Variants in CNTN5 observed in about 807,000 individuals in gnomAD.
CNTN5 encodes contactin-5.
In CNTN5, 77 loss-of-function variants were observed where a neutral mutation model predicts 129.1. The ratio of observed to expected loss-of-function variants is 0.60; its 90% CI spans 0.50 to 0.72. The LOEUF (loss-of-function observed/expected upper bound fraction) is 0.72. Ranked by LOEUF, CNTN5 falls within the 30% of genes least tolerant of loss-of-function variation. The pLI, the probability that CNTN5 is intolerant of heterozygous loss-of-function variation, is 0.00. For missense variants in CNTN5, 1,478 were observed against 1,328.8 expected, an observed-to-expected ratio of 1.11 and a Z score of -1.75; for synonymous variants, 509 against 465.6, an observed-to-expected ratio of 1.09 and a Z score of -1.20.
chr11:99,128,428 C>A (rs117323078), intron 1 of CNTN5, among the ~76,000 whole-genome samples: 7,255 of 152,104 alleles, frequency 0.048, 194 homozygotes, highest in Middle Eastern at 0.065. Context: ...TCTCACTGGG[C>A]AGGGCCTCAC....
chr11:100,257,418 C>G (rs527753243), intron 17 of CNTN5, among the ~76,000 whole-genome samples: 2 of 152,198 alleles, frequency 1.3e-5, no homozygotes, highest in Non-Finnish European at 2.9e-5. Context: ...GATCTCCCAG[C>G]GCAGCGCTCA....
chr11:99,986,898 A>T (rs1391830173), intron 8 of CNTN5, among the ~76,000 whole-genome samples: 1 of 152,228 alleles, frequency 6.6e-6, no homozygotes, highest in Non-Finnish European at 1.5e-5. Flanking sequence ...AAAAAGAGAG[A>T]TGTAATAGGA....
intron 1 of CNTN5, among the ~76,000 whole-genome samples, chr11:99,135,091 T>G (rs1262908595): frequency 2.0e-5 from 3 of 152,192 alleles, no homozygotes; most frequent in Non-Finnish European, 4.4e-5. Context: ...CTTAAAAACC[T>G]CTTGTATGTC....
intron 3 of CNTN5, among the ~76,000 whole-genome samples, chr11:99,650,334 G>A (rs1451969703): frequency 2.6e-5 from 4 of 151,758 alleles, no homozygotes; most frequent in Admixed American, 6.6e-5. Flanking sequence ...GTTTTGGTAG[G>A]CATGAACTCT....
At chr11:100,173,287 G>T (rs562556574) in intron 13 of CNTN5, among the ~76,000 whole-genome samples, 2 of 152,098 alleles carry the variant, frequency 1.3e-5, no homozygotes, top group Non-Finnish European at 1.5e-5. Context: ...CGTAGTGGGG[G>T]TTGCTAGGCT....
intron 9 of CNTN5, among the ~76,000 whole-genome samples, chr11:100,009,904 G>T (rs1457135389): frequency 6.6e-6 from 1 of 152,192 alleles, no homozygotes; most frequent in East Asian, 1.9e-4. Context: ...TTTTGGCAGT[G>T]ACATTATTAC....
intron 1 of CNTN5, among the ~76,000 whole-genome samples, chr11:99,187,644 A>G (rs543091008): frequency 6.6e-6 from 1 of 151,972 alleles, no homozygotes; most frequent in East Asian, 1.9e-4. Context: ...GAACTTATCC[A>G]ATATTACTAC....
chr11:99,217,691 A>G (rs1381289445), intron 1 of CNTN5, among the ~76,000 whole-genome samples: 1 of 152,054 alleles, frequency 6.6e-6, no homozygotes, highest in East Asian at 1.9e-4. Flanking sequence ...ATTTCAGGAG[A>G]AAATAGAAGA....
At chr11:99,938,088 CAAAAT>C (rs1468278088) in intron 7 of CNTN5, among the ~76,000 whole-genome samples, 2 of 152,028 alleles carry the variant, frequency 1.3e-5, no homozygotes, top group African/African-American at 2.4e-5. Context: ...ATGGATCTAA[CAAAAT>C]AAATCAAAAG....
At chr11:99,791,256 C>T (rs1414742445) in intron 3 of CNTN5, among the ~76,000 whole-genome samples, 1 of 151,998 alleles carries the variant, frequency 6.6e-6, no homozygotes, top group African/African-American at 2.4e-5. Context: ...AGGTTATCTT[C>T]CAGGGTTTTA....
At chr11:99,798,864 A>T (rs968622247) in intron 3 of CNTN5, among the ~76,000 whole-genome samples, 2 of 152,200 alleles carry the variant, frequency 1.3e-5, no homozygotes, top group Non-Finnish European at 2.9e-5. Flanking sequence ...CAGTATGGCC[A>T]TTTTAATGAT....
intron 21 of CNTN5, among the ~76,000 whole-genome samples, chr11:100,337,821 G>T (rs973413202): frequency 1.3e-5 from 2 of 152,182 alleles, no homozygotes; most frequent in African/African-American, 4.8e-5. Flanking sequence ...GCAATTGACA[G>T]GGATACAATC....
At chr11:99,822,013 C>G (rs1015355554) in intron 4 of CNTN5, among the ~76,000 whole-genome samples, 5 of 152,114 alleles carry the variant, frequency 3.3e-5, no homozygotes, top group African/African-American at 1.2e-4. Flanking sequence ...ACTTTGAGTT[C>G]TTTTTCTCTG....
At chr11:99,199,509 G>C (rs755022292) in intron 1 of CNTN5, among the ~76,000 whole-genome samples, 4 of 152,150 alleles carry the variant, frequency 2.6e-5, no homozygotes, top group Non-Finnish European at 5.9e-5. Context: ...CCGTCCTGTG[G>C]GTTAGCTGGA....
intron 9 of CNTN5, among the ~76,000 whole-genome samples, chr11:100,016,493 T>C (rs1166048748): frequency 1.3e-5 from 2 of 152,088 alleles, no homozygotes; most frequent in African/African-American, 4.8e-5. Context: ...AGCTCATTCT[T>C]CGTTGCCTTA....
At chr11:99,528,601 G>A (rs1947578676) in intron 2 of CNTN5, among the ~76,000 whole-genome samples, 1 of 152,162 alleles carries the variant, frequency 6.6e-6, no homozygotes, top group Non-Finnish European at 1.5e-5. Context: ...GTACAAATGG[G>A]ACATTTCTCC....
chr11:99,197,290 G>A (rs1858951810), intron 1 of CNTN5, among the ~76,000 whole-genome samples: 1 of 151,598 alleles, frequency 6.6e-6, no homozygotes, highest in African/African-American at 2.4e-5. Flanking sequence ...ATAATAATAA[G>A]ATACTTAAAT....
At chr11:100,085,182 C>A (rs1245843563) in intron 13 of CNTN5, among the ~76,000 whole-genome samples, 1 of 151,878 alleles carries the variant, frequency 6.6e-6, no homozygotes, top group Non-Finnish European at 1.5e-5. Context: ...GTCTTTTTTT[C>A]TGGGATATGT....
intron 8 of CNTN5, among the ~76,000 whole-genome samples, chr11:99,981,077 G>GATATAGATATATATATAT (rs1938303228): frequency 1.7e-5 from 1 of 57,598 alleles, no homozygotes; most frequent in Non-Finnish European, 3.5e-5. Context: ...GAGCCAATAG[G>GATATAGATATATATATAT]ATATATATAT....
Sources: gnomAD v4.1 joint callset for allele counts (sites outside exome capture counted in the v4.1 genomes callset) on GRCh38, gnomAD v4.1.1 for gene constraint, MANE v1.5 for transcripts, NCBI Gene and HGNC (gene_info 2026-07-23, HGNC 2026-07-21) for gene names.